The following OXCT1 variants were observed in gnomAD, a reference collection of about 807,000 sequenced individuals.
The protein encoded by OXCT1 is 3-oxoacid CoA-transferase 1, also known as succinyl-CoA:3-ketoacid coenzyme A transferase 1, mitochondrial.
In OXCT1, 27 loss-of-function variants were observed where a neutral mutation model predicts 69.6. The ratio of observed to expected loss-of-function variants is 0.39; its 90% CI spans 0.29 to 0.54. The LOEUF (loss-of-function observed/expected upper bound fraction) is 0.54. Among genes scored for constraint, OXCT1 ranks in the 20% least tolerant of loss-of-function variants. The pLI, the probability that OXCT1 is intolerant of heterozygous loss-of-function variation, is 0.72. For synonymous variants in OXCT1, 202 were observed against 217.8 expected (o/e 0.93, Z 0.64); for missense variants, 437 against 650.2 (o/e 0.67, Z 3.57).
intron 7 of OXCT1, among the ~76,000 whole-genome samples, chr5:41,822,821 A>G (rs748915725): frequency 6.6e-6 from 1 of 152,084 alleles, no homozygotes; most frequent in Non-Finnish European, 1.5e-5. Context: ...TCATCTCTTT[A>G]CTTGTAATTT....
chr5:41,804,404 A>G (rs546157615), intron 9 of OXCT1, among the ~76,000 whole-genome samples: 130 of 152,240 alleles, frequency 8.5e-4, no homozygotes, highest in African/African-American at 2.9e-3. Flanking sequence ...GGGTTGAAAA[A>G]AAGTAGGAGA....
intron 15 of OXCT1, 31 bp from the exon 16 acceptor site, chr5:41,739,522 C>T (rs375883294): frequency 2.4e-5 from 34 of 1,428,308 alleles, no homozygotes; most frequent in Non-Finnish European, 3.1e-5. Context: ...AGGACAATGA[C>T]AATTTCCATC....
chr5:41,852,931 G>C (rs886448076), intron 4 of OXCT1, among the ~76,000 whole-genome samples: 2 of 152,042 alleles, frequency 1.3e-5, no homozygotes, highest in Admixed American at 1.3e-4. Context: ...GGGCGTGGTG[G>C]CACATGCCTG....
chr5:41,738,106 C>A (rs1375584692), intron 16 of OXCT1, among the ~76,000 whole-genome samples: 1 of 152,050 alleles, frequency 6.6e-6, no homozygotes, highest in Non-Finnish European at 1.5e-5. Flanking sequence ...ATGTAGTACA[C>A]AAGAAAGACA....
chr5:41,829,981 A>G (rs1189379934), intron 7 of OXCT1, among the ~76,000 whole-genome samples: 3 of 152,232 alleles, frequency 2.0e-5, no homozygotes, highest in Admixed American at 6.5e-5. Flanking sequence ...CAGTCAGTTC[A>G]TTCAGTATGC....
chr5:41,731,242 A>AG lies in OXCT1; in HGVS notation c.*486dup, dbSNP rs370172639. On this transcript the variant is annotated 3_prime_UTR_variant, in exon 17 of 17. Transcript: ENST00000196371. ...AGTATGGGAGGAAGGGGGATGTTCTAGGGGGACAAGATGTAATCATAAAAT... is the reference window on the plus strand; with the variant it reads ...AGTATGGGAGGAAGGGGGATGTTCTAGGGGGGACAAGATGTAATCATAAAAT... 268 of 312,232 alleles carry AG rather than the reference A, an allele frequency of 8.6e-4. No homozygotes were observed. Among genetic ancestry groups the AG allele is most frequent in the African/African-American group, 5.8e-3 (258 of 44,216 alleles). 19.3% of individuals were successfully genotyped at this position (312,232 alleles called of 1,614,324 possible). A position where few individuals can be genotyped will look rare whatever the true frequency, so the allele number is the denominator to read the frequency against.
chr5:41,832,889 TA>T (rs1748167577), intron 7 of OXCT1, among the ~76,000 whole-genome samples: 1 of 152,262 alleles, frequency 6.6e-6, no homozygotes, highest in East Asian at 1.9e-4. Flanking sequence ...ATCAGTCTCT[TA>T]AATAGCAGAA....
intron 14 of OXCT1, among the ~76,000 whole-genome samples, chr5:41,759,009 T>C (rs1262573415): frequency 6.6e-6 from 1 of 151,194 alleles, no homozygotes; most frequent in Admixed American, 6.6e-5. Context: ...AAGATATAAT[T>C]AGATTTTTGG....
At chr5:41,810,419 G>T (rs2112290699) in intron 7 of OXCT1, among the ~76,000 whole-genome samples, 1 of 152,188 alleles carries the variant, frequency 6.6e-6, no homozygotes, top group East Asian at 1.9e-4. Flanking sequence ...AGTATCCTCA[G>T]GCAAGATCAA....
intron 7 of OXCT1, among the ~76,000 whole-genome samples, chr5:41,826,221 A>C (rs1561107895): frequency 2.0e-5 from 3 of 152,226 alleles, no homozygotes; most frequent in African/African-American, 4.8e-5. Context: ...GATTTAAGCT[A>C]ACAATATTTT....
intron 7 of OXCT1, among the ~76,000 whole-genome samples, chr5:41,821,273 T>C (rs1355851316): frequency 1.3e-5 from 2 of 152,208 alleles, no homozygotes; most frequent in Admixed American, 1.3e-4. Flanking sequence ...AAACATTGCC[T>C]CTTTATGAAA....
In OXCT1 at chr5:41,862,750, C is replaced by T. The variant is rs1218881787; in HGVS notation, c.79G>A (p.Gly27Arg). The T allele has an allele frequency of 1.3e-6, 2 of 1,592,056 alleles. No individual in the cohort carries two copies. Among genetic ancestry groups the T allele is most frequent in the African/African-American group, 2.7e-5 (2 of 74,228 alleles). Reference protein sequence around the residue: ...ARGSGATWYKGCVCSFSTSAH... With the variant: ...ARGSGATWYKRCVCSFSTSAH... ...CTGGTGGAAAAGGAACAAACACATC[C>T]CTGAAATATTAAAAAAAAAAAATTG... Residue 27 changes from glycine to arginine, a missense_variant and splice_region_variant, in exon 2 of 17, where the codon GGA (glycine) becomes AGA (arginine). Gly to Arg is a moderately radical substitution (Grantham distance 125, BLOSUM62 -2). Coordinates refer to ENST00000196371, the MANE Select transcript of OXCT1 (RefSeq NM_000436.4).
rs941957412 is a variant in OXCT1 at position 41,829,120 on chromosome 5, G to T, written c.732+11331C>A. ...TCCTGAATTAGGAAGTTCTATATTA[G>T]AGAAGGATGAGGAATATGCCCTATT... On this transcript the variant is annotated intron_variant, in intron 7 of 16. Coordinates refer to ENST00000196371, the MANE Select transcript of OXCT1 (RefSeq NM_000436.4). Among the ~76,000 whole-genome samples the T allele has an allele frequency of 2.6e-3, 395 of 152,212 alleles. 1 individual carries two copies. The highest frequency in any genetic ancestry group is 3.1e-3 in the Non-Finnish European group (208 of 68,010).
chr5:41,857,468 G>C (rs1008430613), intron 3 of OXCT1, among the ~76,000 whole-genome samples: 2 of 152,126 alleles, frequency 1.3e-5, no homozygotes, highest in African/African-American at 4.8e-5. Flanking sequence ...AGACTAAATT[G>C]AGGGGTCCCC....
chr5:41,741,041 C>G (rs1377811610), intron 15 of OXCT1, among the ~76,000 whole-genome samples: 1 of 151,692 alleles, frequency 6.6e-6, no homozygotes, highest in Non-Finnish European at 1.5e-5. Context: ...ACCTCTGCCT[C>G]CAGGGTTCAA....
At chr5:41,846,497 T>C (rs1436816821) in intron 5 of OXCT1, among the ~76,000 whole-genome samples, 2 of 149,638 alleles carry the variant, frequency 1.3e-5, no homozygotes, top group African/African-American at 4.9e-5. Flanking sequence ...TTCCATGGTG[T>C]ATATGTGCCA....
chr5:41,866,666 G>A (rs551776147), intron 1 of OXCT1, among the ~76,000 whole-genome samples: 6 of 152,264 alleles, frequency 3.9e-5, no homozygotes, highest in Non-Finnish European at 8.8e-5. Context: ...ACTAAACACT[G>A]CCAATTATGC....
At chr5:41,861,217 G>T in intron 3 of OXCT1, 97 bp downstream of exon 3, 1 of 829,852 alleles carries the variant, frequency 1.2e-6, no homozygotes, top group Non-Finnish European at 2.1e-6. Context: ...TATTGCTCAT[G>T]TGAATAGGAG....
At chr5:41,815,015 T>G (rs1747168287) in intron 7 of OXCT1, among the ~76,000 whole-genome samples, 1 of 152,140 alleles carries the variant, frequency 6.6e-6, no homozygotes, top group African/African-American at 2.4e-5. Flanking sequence ...TGTCTCATTG[T>G]AAAACGCAGG....
Sources: allele counts gnomAD v4.1 joint callset (sites outside exome capture counted in the v4.1 genomes callset), GRCh38; gene constraint gnomAD v4.1.1; transcripts MANE v1.5; gene names NCBI Gene and HGNC (gene_info 2026-07-23, HGNC 2026-07-21).